BCL7A: variants seen among roughly 807,000 people sequenced by gnomAD.
BCL7A encodes B-cell CLL/lymphoma 7 protein family member A.
A neutral mutation model predicts 28.4 loss-of-function variants in BCL7A; 11 were observed. The observed-to-expected ratio is 0.39, with a 90% CI of 0.24 to 0.64. The LOEUF is 0.64. Ranked by LOEUF, BCL7A falls within the 30% of genes least tolerant of loss-of-function variation. The pLI is 0.50. For synonymous variants in BCL7A, 123 were observed against 103.3 expected (o/e 1.19, Z -1.15); for missense variants, 222 against 274.8 (o/e 0.81, Z 1.36).
rs1279926300 is a variant in BCL7A at position 122,059,841 on chromosome 12, C to T, written c.*678C>T. On this transcript the variant is annotated 3_prime_UTR_variant, in exon 6 of 6. Transcript: ENST00000261822. This position sits in a 1 kb window ranked among gnomAD's most constrained non-coding sequence, Gnocchi z 4.0. ...CCAAGGACGCGCAGGTGTTGGGGCA[C>T]AGTCCCCAAGGGCTCGGCCCCTTGG... The T allele has an allele frequency of 8.6e-6, 2 of 232,048 alleles. No homozygotes were observed. The highest frequency in any genetic ancestry group is 4.4e-5 in the African/African-American group (2 of 45,256). The allele number at this position is 232,048 out of a possible 1,614,324, so 14.4% of individuals were successfully genotyped here. A position where few individuals can be genotyped will look rare whatever the true frequency, so the allele number is the denominator to read the frequency against.
At position 122,060,731 on chromosome 12, in the gene BCL7A, C is replaced by T. The variant is rs1283737585; in HGVS notation, c.*1568C>T. On this transcript the variant is annotated 3_prime_UTR_variant, in exon 6 of 6. Coordinates refer to ENST00000261822, the MANE Select transcript of BCL7A (RefSeq NM_001024808.3). Reference sequence around the variant, plus strand: ...TTTGACGTGTGGCTCTTTCTCCTGACCATCATGGGAAGTGTCTGCTGGATT... The same window carrying T: ...TTTGACGTGTGGCTCTTTCTCCTGATCATCATGGGAAGTGTCTGCTGGATT... The T allele has an allele frequency of 4.3e-6, 1 of 232,350 alleles. No homozygotes were observed. Among genetic ancestry groups the T allele is most frequent in the East Asian group, 6.1e-5 (1 of 16,466 alleles). The allele number at this position is 232,350 out of a possible 1,614,324, so 14.4% of individuals were successfully genotyped here. A position where few individuals can be genotyped will look rare whatever the true frequency, so the allele number is the denominator to read the frequency against.
At chr12:122,058,247 G>A (rs1485576604) in intron 5 of BCL7A, among the ~76,000 whole-genome samples, 1 of 152,194 alleles carries the variant, frequency 6.6e-6, no homozygotes, top group Non-Finnish European at 1.5e-5. Flanking sequence ...GCTCACGCCT[G>A]TAATCCTAGC....
chr12:122,053,984 G>T (rs1417077640), intron 4 of BCL7A, among the ~76,000 whole-genome samples: 1 of 152,076 alleles, frequency 6.6e-6, no homozygotes. Flanking sequence ...TTAGTGGGGT[G>T]GTCCCTGGGT....
Position 122,061,919 on chromosome 12 carries a change from G to C in BCL7A, c.*2756G>C. On this transcript the variant is annotated 3_prime_UTR_variant, in exon 6 of 6. Coordinates refer to ENST00000261822, the MANE Select transcript of BCL7A (RefSeq NM_001024808.3). ...GTTACCTAATTTTTTCCCCTTTCAA[G>C]AATTTTTTTTTTTTTTGGTGTGTTG... 1 of 206,332 alleles carries C rather than the reference G, an allele frequency of 4.8e-6. No individual in the cohort carries two copies. 12.8% of individuals were successfully genotyped at this position (206,332 alleles called of 1,614,324 possible). A position where few individuals can be genotyped will look rare whatever the true frequency, so the allele number is the denominator to read the frequency against.
At chr12:122,036,293 A>G (rs561617092) in intron 3 of BCL7A, among the ~76,000 whole-genome samples, 2 of 152,172 alleles carry the variant, frequency 1.3e-5, no homozygotes, top group African/African-American at 4.8e-5. Flanking sequence ...GCTCCTTGGG[A>G]GGCTGAGGTG....
In BCL7A at chr12:122,050,153, G is replaced by A. The variant is rs143856093; in HGVS notation, c.440-4652G>A. The stretch of plus-strand genomic sequence containing the variant: ...TTGCCATCACACCTGGTTCATTTTT[G>A]TATTTTTAGCAGAGACAGGGTTTCA... On this transcript the variant is annotated intron_variant, in intron 4 of 5. Coordinates refer to ENST00000261822, the MANE Select transcript of BCL7A (RefSeq NM_001024808.3). Among the ~76,000 whole-genome samples, 24 of 152,224 alleles carry A rather than the reference G, an allele frequency of 1.6e-4. 1 individual carries two copies. Among genetic ancestry groups the A allele is most frequent in the African/African-American group, 5.3e-4 (22 of 41,538 alleles).
rs1455926569 is a variant in BCL7A, at chr12:122,034,211, A to G, written c.175-1120A>G. 2.7e-3 allele frequency among the ~76,000 whole-genome samples: 81 copies of G among 30,058 alleles called. 1 individual carries two copies. The highest frequency in any genetic ancestry group is 8.2e-3 in the African/African-American group (81 of 9,926). 19.7% of individuals were successfully genotyped at this position (30,058 alleles called of 152,430 possible). A position where few individuals can be genotyped will look rare whatever the true frequency, so the allele number is the denominator to read the frequency against. ...CTTTCATATATATATATATATATAT[A>G]TATATATATATATATATATATATAT... On this transcript the variant is annotated intron_variant, in intron 2 of 5. Transcript: ENST00000261822.
At chr12:122,024,109 C>T (rs924765475) in intron 1 of BCL7A, among the ~76,000 whole-genome samples, 4 of 152,264 alleles carry the variant, frequency 2.6e-5, no homozygotes, top group South Asian at 2.1e-4. Flanking sequence ...GGCCTTCCAG[C>T]CCGCTGACCC....
intron 2 of BCL7A, 147 bp downstream of exon 2, chr12:122,030,928 G>C: frequency 1.3e-6 from 1 of 770,454 alleles, no homozygotes; most frequent in South Asian, 1.7e-5. Context: ...TTAGACCTGG[G>C]GAGGCTGCTG....
intron 2 of BCL7A, 112 bp from the exon 3 acceptor site, chr12:122,035,219 T>C: frequency 1.0e-6 from 1 of 958,798 alleles, no homozygotes; most frequent in South Asian, 1.5e-5. Flanking sequence ...GCCTGGGGGC[T>C]CCAGGAGGCT....
At chr12:122,050,598 G>T (rs991627857) in intron 4 of BCL7A, among the ~76,000 whole-genome samples, 3 of 152,186 alleles carry the variant, frequency 2.0e-5, no homozygotes, top group Non-Finnish European at 2.9e-5. Flanking sequence ...CATACAGGGG[G>T]ACACTCACCA....
chr12:122,041,254 G>A (rs1883960850), intron 3 of BCL7A, among the ~76,000 whole-genome samples: 2 of 152,146 alleles, frequency 1.3e-5, no homozygotes, highest in Admixed American at 6.6e-5. Flanking sequence ...AGTGAAGGTG[G>A]TAACGGTGCC....
rs576752089 is a variant in BCL7A at position 122,021,926 on chromosome 12, G to GTA, written c.-165_-164insAT. 0.28 allele frequency: 114,498 copies of GTA among 405,306 alleles called. 8,589 individuals carry two copies. Among genetic ancestry groups the GTA allele is most frequent in the African/African-American group, 0.33 (13,232 of 40,542 alleles). 25.1% of individuals were successfully genotyped at this position (405,306 alleles called of 1,614,324 possible). A position where few individuals can be genotyped will look rare whatever the true frequency, so the allele number is the denominator to read the frequency against. On this transcript the variant is annotated 5_prime_UTR_variant, in exon 1 of 6. In the 5' UTR this introduces an upstream ATG that the reference lacks. Transcript: ENST00000261822. ...CGGCGGCCCCGGGCTTTGTGTGTGT[G>GTA]TGTATGTGTGTGTGTGTGTGTGTGT...
At chr12:122,022,780 T>A (rs2135833609) in intron 1 of BCL7A, among the ~76,000 whole-genome samples, 1 of 151,424 alleles carries the variant, frequency 6.6e-6, no homozygotes, top group Admixed American at 6.6e-5. Flanking sequence ...CGTTTAAATT[T>A]AGCGCTTTGG....
At chr12:122,041,778 A>T (rs537245487) in intron 3 of BCL7A, among the ~76,000 whole-genome samples, 35 of 152,218 alleles carry the variant, frequency 2.3e-4, no homozygotes, top group African/African-American at 8.2e-4. Flanking sequence ...AATAAAAAAT[A>T]CATAAATGGC....
intron 3 of BCL7A, among the ~76,000 whole-genome samples, chr12:122,043,502 T>C (rs1046706889): frequency 6.6e-6 from 1 of 151,982 alleles, no homozygotes; most frequent in African/African-American, 2.4e-5. Flanking sequence ...CCGGGTGCAG[T>C]GGCTCAACGC....
At position 122,059,803 on chromosome 12, in the gene BCL7A, C is replaced by T. The variant is rs1473458240; in HGVS notation, c.*640C>T. 8.6e-6 allele frequency: 2 copies of T among 231,926 alleles called. No homozygotes were observed. Among genetic ancestry groups the T allele is most frequent in the African/African-American group, 4.4e-5 (2 of 45,246 alleles). 14.4% of individuals were successfully genotyped at this position (231,926 alleles called of 1,614,324 possible). A position where few individuals can be genotyped will look rare whatever the true frequency, so the allele number is the denominator to read the frequency against. On this transcript the variant is annotated 3_prime_UTR_variant, in exon 6 of 6. Coordinates refer to ENST00000261822, the MANE Select transcript of BCL7A (RefSeq NM_001024808.3). The surrounding 1 kb of genome is among the most constrained non-coding windows in gnomAD (Gnocchi z 4.0). ...GGGACCTTAGGCACGCCCCAAGCAC[C>T]AGGCACCAGGGCCCAAGGACGCGCA...
intron 4 of BCL7A, among the ~76,000 whole-genome samples, chr12:122,044,927 G>A (rs1243831191): frequency 6.6e-6 from 1 of 152,132 alleles, no homozygotes; most frequent in Admixed American, 6.6e-5. Context: ...GGAAAGGGGT[G>A]GGGGGTCTTG....
intron 4 of BCL7A, among the ~76,000 whole-genome samples, chr12:122,046,658 A>G (rs919004490): frequency 7.2e-5 from 11 of 152,298 alleles, no homozygotes; most frequent in Admixed American, 7.2e-4. Context: ...CATTTTTTAA[A>G]TTTGAATGTG....
Sources: allele counts gnomAD v4.1 joint callset (sites outside exome capture counted in the v4.1 genomes callset), GRCh38; gene constraint gnomAD v4.1.1; non-coding constraint Gnocchi (gnomAD v3.1); transcripts MANE v1.5; gene names NCBI Gene and HGNC (gene_info 2026-07-23, HGNC 2026-07-21).